Variants in UTS2B observed in about 807,000 individuals in gnomAD.
The protein encoded by UTS2B is urotensin 2B, also known as urotensin-2B.
A neutral mutation model predicts 19.2 loss-of-function variants in UTS2B; 21 were observed. That is an observed-to-expected ratio of 1.09 (90% CI 0.78 to 1.58). The LOEUF is 1.58. Ranked by LOEUF, UTS2B falls within the 40% of genes most tolerant of loss-of-function variation. The pLI is 0.00. For missense variants in UTS2B, 138 were observed against 130.3 expected, an observed-to-expected ratio of 1.06 and a Z score of -0.29; for synonymous variants, 57 against 50.2, an observed-to-expected ratio of 1.14 and a Z score of -0.58.
At chr3:191,338,120 T>C in the UTS2B span, among the ~76,000 whole-genome samples, 1 of 152,188 alleles carries the variant, frequency 6.6e-6, no homozygotes, top group Non-Finnish European at 1.5e-5. Flanking sequence ...ATAGTAAAAC[T>C]ATGAATGACT....
At chr3:191,325,078 G>A (rs1420747928) in intron 2 of UTS2B, among the ~76,000 whole-genome samples, 5 of 151,934 alleles carry the variant, frequency 3.3e-5, no homozygotes, top group Admixed American at 6.6e-5. Flanking sequence ...TAATAAGGAA[G>A]TCAAGGAAAG....
At chr3:191,306,450 T>C (rs1717143865) in intron 3 of UTS2B, among the ~76,000 whole-genome samples, 1 of 152,254 alleles carries the variant, frequency 6.6e-6, no homozygotes, top group Non-Finnish European at 1.5e-5. Flanking sequence ...ATATTTATCA[T>C]TTTAATCCCT....
At chr3:191,307,681 T>TA (rs1257611202) in intron 3 of UTS2B, among the ~76,000 whole-genome samples, 1 of 152,178 alleles carries the variant, frequency 6.6e-6, no homozygotes, top group African/African-American at 2.4e-5. Context: ...CAGCCTGTGT[T>TA]ATTCTCCTCC....
intron 8 of UTS2B, among the ~76,000 whole-genome samples, chr3:191,271,129 G>A (rs1468591073): frequency 2.7e-5 from 4 of 148,260 alleles, no homozygotes; most frequent in Admixed American, 2.1e-4. Context: ...GCTTGAACAC[G>A]GGAGGCAGAG....
chr3:191,314,414 G>A (rs1227592762), intron 3 of UTS2B, among the ~76,000 whole-genome samples: 1 of 152,098 alleles, frequency 6.6e-6, no homozygotes, highest in Non-Finnish European at 1.5e-5. Flanking sequence ...CATAAAAGTT[G>A]GGAAATAGGC....
chr3:191,291,170 T>C (rs867196661), intron 4 of UTS2B, among the ~76,000 whole-genome samples: 1 of 152,168 alleles, frequency 6.6e-6, no homozygotes, highest in African/African-American at 2.4e-5. Context: ...AGTATTTTTA[T>C]TGTTAAGTTG....
At chr3:191,284,731 G>A (rs1716487235) in intron 4 of UTS2B, among the ~76,000 whole-genome samples, 1 of 151,500 alleles carries the variant, frequency 6.6e-6, no homozygotes, top group Admixed American at 6.6e-5. Context: ...TTATAATTTT[G>A]TTTCACATCT....
At chr3:191,327,161 T>G (rs1267968450) in intron 2 of UTS2B, among the ~76,000 whole-genome samples, 1 of 152,208 alleles carries the variant, frequency 6.6e-6, no homozygotes, top group Non-Finnish European at 1.5e-5. Context: ...CTGAAAAGAA[T>G]GTAATGAAGA....
intron 3 of UTS2B, among the ~76,000 whole-genome samples, chr3:191,305,070 G>A (rs1241728023): frequency 6.6e-6 from 1 of 152,108 alleles, no homozygotes; most frequent in Non-Finnish European, 1.5e-5. Context: ...GTCTATTATT[G>A]ATGGGCATTT....
rs1012377083 is a variant in UTS2B, at chr3:191,267,518, G to A, written c.*898C>T. On this transcript the variant is annotated 3_prime_UTR_variant, in exon 9 of 9. Coordinates refer to ENST00000340524, the MANE Select transcript of UTS2B (RefSeq NM_198152.5). ...AATGCAACGGGGCTCTTTGTTCCCAGGCGGATCAGCAGGTTGAGAAATAAC... is the reference window on the plus strand; with the variant it reads ...AATGCAACGGGGCTCTTTGTTCCCAAGCGGATCAGCAGGTTGAGAAATAAC... 1 of 152,224 alleles carries A rather than the reference G, an allele frequency of 6.6e-6. No individual in the cohort carries two copies. The highest frequency in any genetic ancestry group is 2.4e-5 in the African/African-American group (1 of 41,452). The allele number at this position is 152,224 out of a possible 1,614,324, so 9.4% of individuals were successfully genotyped here. A position where few individuals can be genotyped will look rare whatever the true frequency, so the allele number is the denominator to read the frequency against.
intron 3 of UTS2B, among the ~76,000 whole-genome samples, chr3:191,305,461 G>A (rs1397590855): frequency 6.6e-6 from 1 of 152,138 alleles, no homozygotes. Flanking sequence ...CCACATGCAT[G>A]TCTTCTTTGA....
chr3:191,331,198 C>G (rs542920522), upstream of UTS2B, among the ~76,000 whole-genome samples: 1 of 152,022 alleles, frequency 6.6e-6, no homozygotes, highest in African/African-American at 2.4e-5. Flanking sequence ...GTGTGTAGTG[C>G]ATGGTGAGTA....
chr3:191,329,400 G>T, intron 1 of UTS2B: 1 of 406,772 alleles, frequency 2.5e-6, no homozygotes, highest in East Asian at 4.4e-5. Flanking sequence ...GTCCATTTCC[G>T]GGCTCCGGAT....
upstream of UTS2B, among the ~76,000 whole-genome samples, chr3:191,333,095 G>A (rs917521566): frequency 7.2e-5 from 11 of 152,102 alleles, no homozygotes; most frequent in African/African-American, 2.2e-4. Flanking sequence ...CTGTCTCAAA[G>A]TTGGTGAATT....
rs1157934389 is a variant in UTS2B at position 191,293,512 on chromosome 3, G to T, written c.-125+10980C>A. Among the ~76,000 whole-genome samples the T allele has an allele frequency of 2.0e-5, 3 of 150,142 alleles. 1 individual carries two copies. Among genetic ancestry groups the T allele is most frequent in the African/African-American group, 5.1e-5 (2 of 39,538 alleles). ...ATCCATTCCATATAGGTTTCTAATTGTTGGCATTCAATTATTCATAATATT... is the reference window on the plus strand; with the variant it reads ...ATCCATTCCATATAGGTTTCTAATTTTTGGCATTCAATTATTCATAATATT... On this transcript the variant is annotated intron_variant, in intron 4 of 8. Coordinates refer to ENST00000340524, the MANE Select transcript of UTS2B (RefSeq NM_198152.5).
chr3:191,312,208 CA>C (rs1167554945), intron 3 of UTS2B, among the ~76,000 whole-genome samples: 4 of 151,746 alleles, frequency 2.6e-5, no homozygotes, highest in Non-Finnish European at 5.9e-5. Context: ...TCACCAACGC[CA>C]GGCTTCAAGA....
chr3:191,326,945 T>A (rs1470771729), intron 2 of UTS2B, among the ~76,000 whole-genome samples: 1 of 152,254 alleles, frequency 6.6e-6, no homozygotes, highest in African/African-American at 2.4e-5. Context: ...TTCATTACTT[T>A]TTCTGCTGAA....
chr3:191,282,301 A>C lies in UTS2B; in HGVS notation c.-112T>G. 1.5e-6 allele frequency: 1 copy of C among 683,768 alleles called. No individual in the cohort carries two copies. The highest frequency in any genetic ancestry group is 2.0e-5 in the South Asian group (1 of 48,938). The allele number at this position is 683,768 out of a possible 1,614,324, so 42.4% of individuals were successfully genotyped here. ...TAGTTGCAAAAGGCAAGTGTGCCTC[A>C]GTTACGAATGATCTAGATGAAGGAA... On this transcript the variant is annotated 5_prime_UTR_variant, in exon 5 of 9. An upstream open reading frame in the 5' UTR loses its in-frame stop. Coordinates refer to ENST00000340524, the MANE Select transcript of UTS2B (RefSeq NM_198152.5).
the UTS2B span, among the ~76,000 whole-genome samples, chr3:191,336,041 A>G: frequency 1.3e-5 from 2 of 152,028 alleles, no homozygotes; most frequent in Non-Finnish European, 2.9e-5. Context: ...CTCCTCAAAC[A>G]TACTGTTTAT....
Sources: gnomAD v4.1 joint callset for allele counts (sites outside exome capture counted in the v4.1 genomes callset) on GRCh38, gnomAD v4.1.1 for gene constraint, MANE v1.5 for transcripts, NCBI Gene and HGNC (gene_info 2026-07-23, HGNC 2026-07-21) for gene names.